The following PACRG variants were observed in gnomAD, a reference collection of about 807,000 sequenced individuals.
PACRG encodes the protein parkin coregulated gene protein.
PACRG carries 29 observed loss-of-function variants against 29.7 expected under a neutral mutation model. The observed-to-expected ratio is 0.98, with a 90% CI of 0.73 to 1.33. The LOEUF is 1.33. Ranked by LOEUF, PACRG falls within the 40% of genes most tolerant of loss-of-function variation. The pLI is 0.00. For synonymous variants in PACRG, 116 were observed against 118.7 expected (o/e 0.98, Z 0.15); for missense variants, 279 against 316.2 (o/e 0.88, Z 0.89).
At chr6:162,948,775 T>G (rs1286564738) in intron 2 of PACRG, among the ~76,000 whole-genome samples, 2 of 151,702 alleles carry the variant, frequency 1.3e-5, no homozygotes, top group East Asian at 3.9e-4. Context: ...GGCCAAGAAG[T>G]ATATAAAAAT....
intron 1 of PACRG, among the ~76,000 whole-genome samples, chr6:162,731,216 A>G (rs1779742369): frequency 6.6e-6 from 1 of 152,198 alleles, no homozygotes; most frequent in Non-Finnish European, 1.5e-5. Context: ...TGTTGACATT[A>G]CACTCAAAGA....
At chr6:162,778,623 G>A (rs1443331332) in intron 1 of PACRG, among the ~76,000 whole-genome samples, 1 of 152,188 alleles carries the variant, frequency 6.6e-6, no homozygotes, top group Non-Finnish European at 1.5e-5. Context: ...TGGTGAAAAT[G>A]TAGAGACTCA....
chr6:162,884,341 T>G (rs1359357164), intron 2 of PACRG, among the ~76,000 whole-genome samples: 1 of 152,286 alleles, frequency 6.6e-6, no homozygotes, highest in Admixed American at 6.5e-5. Flanking sequence ...GTATGTTTAT[T>G]GAAAAAAATC....
chr6:162,916,229 C>G (rs555491568), intron 2 of PACRG, among the ~76,000 whole-genome samples: 1 of 152,236 alleles, frequency 6.6e-6, no homozygotes, highest in East Asian at 1.9e-4. Context: ...TTATGACCTT[C>G]ATAGTTTCTG....
chr6:163,023,690 C>T lies in PACRG; in HGVS notation c.292-38460C>T, dbSNP rs1335832551. Among the ~76,000 whole-genome samples the T allele has an allele frequency of 2.6e-5, 4 of 152,220 alleles. No individual in the cohort carries two copies. The East Asian group carries it at 7.7e-4, about 29-fold the overall frequency. On this transcript the variant is annotated intron_variant, in intron 2 of 4. Transcript: ENST00000366888. The stretch of plus-strand genomic sequence containing the variant: ...GTGGCTAGACTAATTTACATTCCCA[C>T]CAACAGTGTATAAGTGTTCGCTTTT...
chr6:162,977,458 T>G (rs1441728693), intron 2 of PACRG, among the ~76,000 whole-genome samples: 2 of 151,530 alleles, frequency 1.3e-5, no homozygotes, highest in Non-Finnish European at 2.9e-5. Flanking sequence ...GATATTTACC[T>G]GGTAAGCTAA....
intron 2 of PACRG, among the ~76,000 whole-genome samples, chr6:163,046,185 G>A (rs1307897334): frequency 6.6e-6 from 1 of 150,826 alleles, no homozygotes; most frequent in African/African-American, 2.4e-5. Context: ...CCATCACTCA[G>A]GGGGTATCCT....
intron 2 of PACRG, among the ~76,000 whole-genome samples, chr6:162,844,970 G>A (rs895372386): frequency 6.6e-6 from 1 of 152,018 alleles, no homozygotes; most frequent in African/African-American, 2.4e-5. Flanking sequence ...TTAATCCAAT[G>A]TGAGTCTGCC....
chr6:162,841,382 T>C (rs1789743692), intron 2 of PACRG, among the ~76,000 whole-genome samples: 1 of 152,058 alleles, frequency 6.6e-6, no homozygotes, highest in Admixed American at 6.5e-5. Context: ...TTTATTTGCA[T>C]AGAGGTGTTT....
rs1791073388 is a variant in PACRG at position 162,853,157 on chromosome 6, C to A, written c.291+38876C>A. 6.6e-6 allele frequency among the ~76,000 whole-genome samples: 1 copy of A among 152,186 alleles called. No individual in the cohort carries two copies. The highest frequency in any genetic ancestry group is 2.4e-5 in the African/African-American group (1 of 41,466). On this transcript the variant is annotated intron_variant, in intron 2 of 4. Coordinates refer to ENST00000366888, the MANE Select transcript of PACRG (RefSeq NM_001080379.2). This position sits in a 1 kb window ranked among gnomAD's most constrained non-coding sequence, Gnocchi z 4.7. ...ACACCAGGGGCTTTCCTGAGCAGAT[C>A]ATCACTTTCAGAAAAGAGTACACTG...
intron 2 of PACRG, among the ~76,000 whole-genome samples, chr6:162,995,350 C>A (rs1469878930): frequency 3.9e-4 from 59 of 151,720 alleles, no homozygotes; most frequent in Admixed American, 1.7e-3. Flanking sequence ...CTCGCTGCCG[C>A]CTTGCAGTTT....
chr6:162,746,407 G>A (rs1780988536), intron 1 of PACRG, among the ~76,000 whole-genome samples: 2 of 152,166 alleles, frequency 1.3e-5, no homozygotes, highest in African/African-American at 4.8e-5. Flanking sequence ...ATGATGTAGT[G>A]ATTATAGACA....
chr6:162,734,364 T>A (rs571036064), intron 1 of PACRG, among the ~76,000 whole-genome samples: 100 of 152,272 alleles, frequency 6.6e-4, no homozygotes, highest in African/African-American at 2.4e-3. Context: ...CCTTAAGTCA[T>A]TTTGATTTTG....
intron 2 of PACRG, among the ~76,000 whole-genome samples, chr6:162,872,113 T>A (rs1488975265): frequency 6.6e-6 from 1 of 152,110 alleles, no homozygotes; most frequent in Non-Finnish European, 1.5e-5. Flanking sequence ...ATAAGGAGGC[T>A]CAAGAACAGA....
At chr6:162,986,410 A>G (rs1802894260) in intron 2 of PACRG, among the ~76,000 whole-genome samples, 1 of 152,136 alleles carries the variant, frequency 6.6e-6, no homozygotes, top group Non-Finnish European at 1.5e-5. Context: ...AAAGCCAAAT[A>G]CTTACAGCCT....
chr6:163,156,514 C>T (rs1462062882), intron 4 of PACRG, among the ~76,000 whole-genome samples: 1 of 152,154 alleles, frequency 6.6e-6, no homozygotes, highest in Non-Finnish European at 1.5e-5. Flanking sequence ...CTGCTGCTGC[C>T]TGGGTTCCCA....
chr6:163,088,766 A>G lies in PACRG; in HGVS notation c.464-493A>G, dbSNP rs568116983. 3.0e-4 allele frequency among the ~76,000 whole-genome samples: 45 copies of G among 152,256 alleles called. 1 individual carries two copies. In the South Asian group the frequency reaches 9.1e-3, roughly 31 times the overall value. ...CACTTTATGTTCACTTCTACCAAGA[A>G]TATTCTCGGTGTTTGTAACCAGCCT... On this transcript the variant is annotated intron_variant, in intron 3 of 4. Coordinates refer to ENST00000366888, the MANE Select transcript of PACRG (RefSeq NM_001080379.2).
At chr6:162,874,743 C>T (rs1793147475) in intron 2 of PACRG, among the ~76,000 whole-genome samples, 1 of 152,132 alleles carries the variant, frequency 6.6e-6, no homozygotes. Context: ...GACACACATG[C>T]ATTCACACAC....
intron 1 of PACRG, among the ~76,000 whole-genome samples, chr6:162,772,359 T>C (rs987912968): frequency 3.9e-5 from 6 of 152,140 alleles, no homozygotes; most frequent in African/African-American, 1.4e-4. Flanking sequence ...TGAAAATCGA[T>C]GTGCAATAAA....
Sources: allele counts gnomAD v4.1 joint callset (sites outside exome capture counted in the v4.1 genomes callset), GRCh38; gene constraint gnomAD v4.1.1; non-coding constraint Gnocchi (gnomAD v3.1); transcripts MANE v1.5; gene names NCBI Gene and HGNC (gene_info 2026-07-23, HGNC 2026-07-21).